Variants in NOX4 observed in about 807,000 individuals in gnomAD.
NOX4 encodes the protein kidney oxidase-1.
NOX4 carries 69 observed loss-of-function variants against 87.6 expected under a neutral mutation model. That is an observed-to-expected ratio of 0.79 (90% CI 0.65 to 0.96). The LOEUF is 0.96. Ranked by LOEUF, NOX4 falls within the 40% of genes least tolerant of loss-of-function variation. The probability of loss-of-function intolerance (pLI) is 0.00; values close to 1 mark genes in which losing one functional copy is unlikely to be tolerated. For missense variants in NOX4, 680 were observed against 681.5 expected, an observed-to-expected ratio of 1.00 and a Z score of 0.02; for synonymous variants, 275 against 238.2, an observed-to-expected ratio of 1.15 and a Z score of -1.42.
chr11:89,493,721 T>TTATTATTA (rs1555053296), upstream of NOX4, among the ~76,000 whole-genome samples: 1 of 142,302 alleles, frequency 7.0e-6, no homozygotes, highest in African/African-American at 2.6e-5. Flanking sequence ...GCCAGATTGT[T>TTATTATTA]TTATTATTAT....
chr11:89,403,486 A>T (rs555559527), intron 8 of NOX4, among the ~76,000 whole-genome samples: 1 of 152,148 alleles, frequency 6.6e-6, no homozygotes, highest in Non-Finnish European at 1.5e-5. Context: ...ATTATCTTTC[A>T]TGCTCTCAAA....
chr11:89,443,977 T>C (rs1284669959), intron 5 of NOX4, 158 bp downstream of exon 5: 12 of 606,664 alleles, frequency 2.0e-5, no homozygotes, highest in Non-Finnish European at 3.2e-5. Context: ...TAATTACTTA[T>C]ATTTTCTACT....
intron 15 of NOX4, among the ~76,000 whole-genome samples, chr11:89,338,859 ACT>A (rs1336562057): frequency 2.0e-5 from 3 of 151,542 alleles, no homozygotes; most frequent in Non-Finnish European, 4.4e-5. Context: ...AAATTAACAC[ACT>A]CTCTACTGTT....
chr11:89,358,119 T>A (rs1938214991), intron 12 of NOX4, among the ~76,000 whole-genome samples: 1 of 152,070 alleles, frequency 6.6e-6, no homozygotes, highest in Non-Finnish European at 1.5e-5. Flanking sequence ...GCATGGTGGC[T>A]CACACCCATA....
chr11:89,331,627 C>G (rs1024785666), intron 17 of NOX4, among the ~76,000 whole-genome samples: 1 of 151,736 alleles, frequency 6.6e-6, no homozygotes, highest in Non-Finnish European at 1.5e-5. Context: ...CCATTATTTT[C>G]TTGCTTGGCT....
chr11:89,539,878 T>C, the NOX4 span, among the ~76,000 whole-genome samples: 63 of 151,482 alleles, frequency 4.2e-4, no homozygotes, highest in Non-Finnish European at 1.2e-4. Context: ...TTCAGCCATT[T>C]TAATTCACCT....
the NOX4 span, among the ~76,000 whole-genome samples, chr11:89,569,772 G>A: frequency 2.0e-5 from 3 of 152,098 alleles, no homozygotes; most frequent in African/African-American, 7.2e-5. Context: ...GGGAGGCTGA[G>A]GCGGGCGGAT....
At chr11:89,574,969 G>A in the NOX4 span, among the ~76,000 whole-genome samples, 1 of 152,180 alleles carries the variant, frequency 6.6e-6, no homozygotes, top group Non-Finnish European at 1.5e-5. Flanking sequence ...GATCACTTAA[G>A]GTCAGGAGTT....
intron 6 of NOX4, among the ~76,000 whole-genome samples, chr11:89,438,837 T>A (rs868317226): frequency 1.6e-4 from 6 of 37,146 alleles, no homozygotes; most frequent in South Asian, 8.6e-4. Context: ...ATCTTATATA[T>A]TATATATATT....
At chr11:89,519,154 A>T in the NOX4 span, among the ~76,000 whole-genome samples, 7 of 152,112 alleles carry the variant, frequency 4.6e-5, no homozygotes, top group African/African-American at 9.6e-5. Flanking sequence ...ATTCTAAACC[A>T]TGTGAGAAGT....
intron 13 of NOX4, among the ~76,000 whole-genome samples, chr11:89,342,502 T>A (rs1946048180): frequency 6.6e-6 from 1 of 152,154 alleles, no homozygotes; most frequent in Non-Finnish European, 1.5e-5. Context: ...CATATTAGAC[T>A]ATATGTCTAA....
At chr11:89,426,533 GC>G (rs1218932629) in intron 7 of NOX4, among the ~76,000 whole-genome samples, 3 of 152,076 alleles carry the variant, frequency 2.0e-5, no homozygotes, top group African/African-American at 7.2e-5. Flanking sequence ...CTAATACTGT[GC>G]TTTTCCAATG....
intron 13 of NOX4, among the ~76,000 whole-genome samples, chr11:89,353,349 A>G (rs1477098683): frequency 6.6e-6 from 1 of 152,150 alleles, no homozygotes. Context: ...AGGTGCCCCT[A>G]CCTTTAACAA....
intron 2 of NOX4, among the ~76,000 whole-genome samples, chr11:89,480,988 T>G (rs1253733065): frequency 6.6e-6 from 1 of 151,968 alleles, no homozygotes; most frequent in Non-Finnish European, 1.5e-5. Context: ...CAATAGCAAA[T>G]AGCAGTAAAT....
In NOX4 at chr11:89,332,538, ATC is replaced by A. The variant is rs1485034463; in HGVS notation, c.1616+3305_1616+3306del. The stretch of plus-strand genomic sequence containing the variant: ...TGGTTTACAATGTAATATTTAGAAT[ATC>A]TCTATTTCAAAATAATTAGTTATTA... On this transcript the variant is annotated intron_variant, in intron 17 of 17. Transcript: ENST00000263317. Among the ~76,000 whole-genome samples the A allele has an allele frequency of 2.6e-5, 4 of 152,054 alleles. No individual in the cohort carries two copies. In the East Asian group the frequency reaches 7.7e-4, roughly 29 times the overall value.
chr11:89,550,149 C>T, the NOX4 span, among the ~76,000 whole-genome samples: 4 of 151,866 alleles, frequency 2.6e-5, no homozygotes, highest in Non-Finnish European at 4.4e-5. Context: ...TCCACAGCCT[C>T]GCCAGTATCG....
In NOX4 at chr11:89,364,481, T is replaced by G. The variant is rs1938779128; in HGVS notation, c.1135+8951A>C. ...CATGCTCTGGTTATATAAAACTATCTTTTTTGCAAATATTAAGGCCATGTC... is the reference window on the plus strand; with the variant it reads ...CATGCTCTGGTTATATAAAACTATCGTTTTTGCAAATATTAAGGCCATGTC... On this transcript the variant is annotated intron_variant, in intron 12 of 17. Coordinates refer to ENST00000263317, the MANE Select transcript of NOX4 (RefSeq NM_016931.5). 2.6e-5 allele frequency among the ~76,000 whole-genome samples: 4 copies of G among 152,154 alleles called. No homozygotes were observed. In the South Asian group the frequency reaches 8.3e-4, roughly 32 times the overall value.
the NOX4 span, among the ~76,000 whole-genome samples, chr11:89,524,704 A>G: frequency 1.9e-4 from 29 of 152,244 alleles, 1 homozygote; most frequent in South Asian, 5.2e-3. Flanking sequence ...TTTAATTGAC[A>G]GATATAATTA....
At chr11:89,545,582 C>G in the NOX4 span, 1 of 151,654 alleles carries the variant, frequency 6.6e-6, no homozygotes, top group Non-Finnish European at 1.5e-5. Flanking sequence ...GAGAAATTTA[C>G]AGATGACAAT....
Sources: gnomAD v4.1 joint callset for allele counts (sites outside exome capture counted in the v4.1 genomes callset) on GRCh38, gnomAD v4.1.1 for gene constraint, MANE v1.5 for transcripts, NCBI Gene and HGNC (gene_info 2026-07-23, HGNC 2026-07-21) for gene names.